The following RYR3 variants were observed in gnomAD, a reference collection of about 807,000 sequenced individuals.
RYR3 encodes the protein ryanodine receptor 3.
A neutral mutation model predicts 584.3 loss-of-function variants in RYR3; 207 were observed. That is an observed-to-expected ratio of 0.35 (90% confidence interval 0.32 to 0.40). The LOEUF (loss-of-function observed/expected upper bound fraction) is 0.40, where lower values mean the gene tolerates loss of function less well. Ranked by LOEUF, RYR3 falls within the 10% of genes least tolerant of loss-of-function variation. The probability of loss-of-function intolerance (pLI) is 1.00; values close to 1 mark genes in which losing one functional copy is unlikely to be tolerated. For missense variants in RYR3, 5,616 were observed against 6,089.2 expected (o/e 0.92, Z 2.59); for synonymous variants, 2,416 against 2,248.5 (o/e 1.07, Z -2.11).
At chr15:33,560,857 C>A (rs2057361031) in intron 10 of RYR3, among the ~76,000 whole-genome samples, 1 of 151,166 alleles carries the variant, frequency 6.6e-6, no homozygotes, top group South Asian at 2.1e-4. Flanking sequence ...TGGAAATAAT[C>A]TTTTTAAAAA....
At chr15:33,567,817 C>T (rs1000024782) in intron 12 of RYR3, among the ~76,000 whole-genome samples, 1 of 152,206 alleles carries the variant, frequency 6.6e-6, no homozygotes, top group African/African-American at 2.4e-5. Context: ...TCCAGCAACT[C>T]ATATTGTTAT....
chr15:33,614,164 C>T (rs2060334203), intron 19 of RYR3, among the ~76,000 whole-genome samples: 2 of 152,166 alleles, frequency 1.3e-5, no homozygotes, highest in Admixed American at 6.5e-5. Flanking sequence ...TGTGACAAAA[C>T]TGTCATCAGC....
chr15:33,859,428 G>C, intron 99 of RYR3, 147 bp from the exon 100 acceptor site: 2 of 737,474 alleles, frequency 2.7e-6, no homozygotes, highest in Non-Finnish European at 4.5e-6. Context: ...ACAGCAGCTA[G>C]CAGCATGAAT....
intron 76 of RYR3, 44 bp from the exon 77 acceptor site, chr15:33,819,712 A>G: frequency 2.2e-6 from 2 of 910,420 alleles, no homozygotes; most frequent in Middle Eastern, 2.3e-4. Context: ...ATAAATAAAT[A>G]AATAAATAAA....
chr15:33,787,604 T>C (rs2074817617), intron 66 of RYR3, among the ~76,000 whole-genome samples: 1 of 152,110 alleles, frequency 6.6e-6, no homozygotes, highest in South Asian at 2.1e-4. Flanking sequence ...CTTTTCAACT[T>C]CTAGTGATCA....
At chr15:33,535,412 T>C (rs1302767865) in intron 5 of RYR3, among the ~76,000 whole-genome samples, 2 of 152,250 alleles carry the variant, frequency 1.3e-5, no homozygotes, top group Non-Finnish European at 2.9e-5. Context: ...ATGGCTTTTT[T>C]CCTAAAATAA....
intron 38 of RYR3, among the ~76,000 whole-genome samples, chr15:33,677,010 C>T (rs2064228241): frequency 1.3e-5 from 2 of 152,102 alleles, no homozygotes; most frequent in Non-Finnish European, 2.9e-5. Context: ...TTCACCTTAC[C>T]TCGTTTGATT....
At chr15:33,717,576 C>T (rs1378368264) in intron 43 of RYR3, among the ~76,000 whole-genome samples, 1 of 152,188 alleles carries the variant, frequency 6.6e-6, no homozygotes, top group Non-Finnish European at 1.5e-5. Context: ...ATACCTGGGC[C>T]ACTCTAAGTT....
intron 13 of RYR3, among the ~76,000 whole-genome samples, chr15:33,581,008 C>G (rs1167580333): frequency 1.6e-5 from 2 of 124,378 alleles, no homozygotes; most frequent in Non-Finnish European, 3.1e-5. Flanking sequence ...TCCTCTTGTA[C>G]TGCTATTGTC....
At chr15:33,813,054 C>G in intron 73 of RYR3, 60 bp downstream of exon 73, 1 of 1,595,998 alleles carries the variant, frequency 6.3e-7, no homozygotes, top group Non-Finnish European at 8.6e-7. Context: ...ATACAAAGCT[C>G]CCCTCCACAC....
chr15:33,597,833 A>G (rs1278385692), intron 16 of RYR3, among the ~76,000 whole-genome samples: 1 of 151,610 alleles, frequency 6.6e-6, no homozygotes, highest in Non-Finnish European at 1.5e-5. Context: ...TGTACACACA[A>G]AAAAATACAT....
At chr15:33,605,774 C>T (rs915529541) in intron 18 of RYR3, among the ~76,000 whole-genome samples, 1 of 152,116 alleles carries the variant, frequency 6.6e-6, no homozygotes, top group Non-Finnish European at 1.5e-5. Flanking sequence ...TGTCCCCCAC[C>T]AGGACAGGCA....
intron 3 of RYR3, among the ~76,000 whole-genome samples, chr15:33,523,479 G>A (rs537378159): frequency 6.6e-6 from 1 of 152,220 alleles, no homozygotes; most frequent in East Asian, 1.9e-4. Flanking sequence ...AGCACTCACC[G>A]CAAGGTCTGC....
intron 10 of RYR3, among the ~76,000 whole-genome samples, chr15:33,556,015 T>A (rs1050762776): frequency 1.6e-5 from 2 of 128,710 alleles, no homozygotes; most frequent in South Asian, 5.2e-4. Context: ...AGGTGATTCC[T>A]CAAGGTTTCT....
chr15:33,716,080 C>A (rs911298685), intron 43 of RYR3, among the ~76,000 whole-genome samples: 1 of 152,122 alleles, frequency 6.6e-6, no homozygotes, highest in Non-Finnish European at 1.5e-5. Context: ...ACCTTCCTCC[C>A]ACTCTTTCTC....
At chr15:33,805,646 T>A (rs1051087904) in intron 69 of RYR3, among the ~76,000 whole-genome samples, 1 of 151,522 alleles carries the variant, frequency 6.6e-6, no homozygotes, top group Non-Finnish European at 1.5e-5. Flanking sequence ...CCCGGCTAAT[T>A]TTTTGTATTT....
intron 2 of RYR3, among the ~76,000 whole-genome samples, chr15:33,491,297 A>G (rs764933113): frequency 6.6e-6 from 1 of 152,224 alleles, no homozygotes; most frequent in African/African-American, 2.4e-5. Flanking sequence ...TCCGGTTGCT[A>G]TAGTAATAGA....
At chr15:33,762,329 G>C (rs757361498) in intron 60 of RYR3, among the ~76,000 whole-genome samples, 1 of 152,206 alleles carries the variant, frequency 6.6e-6, no homozygotes, top group Non-Finnish European at 1.5e-5. Context: ...TCTGTTTGCA[G>C]ATGACATGAT....
At chr15:33,559,920 A>AT (rs1284895021) in intron 10 of RYR3, among the ~76,000 whole-genome samples, 1 of 152,228 alleles carries the variant, frequency 6.6e-6, no homozygotes, top group East Asian at 1.9e-4. Context: ...GAAGGGGAAT[A>AT]TTTGGTAAAT....
Sources: gnomAD v4.1 joint callset for allele counts (sites outside exome capture counted in the v4.1 genomes callset) on GRCh38, gnomAD v4.1.1 for gene constraint, MANE v1.5 for transcripts, NCBI Gene and HGNC (gene_info 2026-07-23, HGNC 2026-07-21) for gene names.